Variants in CHID1 observed in about 807,000 individuals in gnomAD.
CHID1 encodes the protein chitinase domain-containing protein 1.
CHID1 carries 44 observed loss-of-function variants against 55.4 expected under a neutral mutation model. The observed-to-expected ratio is 0.79, with a 90% CI of 0.62 to 1.02. The LOEUF (loss-of-function observed/expected upper bound fraction) is 1.02, where lower values mean the gene tolerates loss of function less well. Among genes scored for constraint, CHID1 ranks in the 50% least tolerant of loss-of-function variants. The pLI is 0.00. For synonymous variants in CHID1, 216 were observed against 212.9 expected, an observed-to-expected ratio of 1.01 and a Z score of -0.13; for missense variants, 491 against 515.3, an observed-to-expected ratio of 0.95 and a Z score of 0.46.
intron 10 of CHID1, among the ~76,000 whole-genome samples, chr11:881,426 G>C (rs1337377751): frequency 6.2e-5 from 9 of 145,184 alleles, no homozygotes; most frequent in Admixed American, 6.9e-5. Context: ...TAGGCTGGGT[G>C]GTGAGGGAAA....
intron 8 of CHID1, among the ~76,000 whole-genome samples, chr11:887,521 C>T (rs1468156422): frequency 1.3e-5 from 2 of 152,190 alleles, no homozygotes; most frequent in Non-Finnish European, 2.9e-5. Context: ...CTTCCTCTCA[C>T]GTGCTCCACG....
Position 883,202 on chromosome 11 carries a change from T to A in CHID1, c.905A>T (p.Tyr302Phe). The A allele has an allele frequency of 6.2e-7, 1 of 1,614,090 alleles. No homozygotes were observed. The highest frequency in any genetic ancestry group is 8.5e-7 in the Non-Finnish European group (1 of 1,179,972). The change falls in exon 10 of 13, where the codon TAT (tyrosine) becomes TTT (phenylalanine). Residue 302 changes from tyrosine (Y) to phenylalanine (F), a missense_variant. Transcript: ENST00000323578. Reference protein sequence around the residue: ...RSKILLGLNFYGMDYATSKDA... With the variant: ...RSKILLGLNFFGMDYATSKDA... ...CTTGGAGGTCGCGTAGTCCATACCA[T>A]AGAAGTTGAGCCCCAGGAGGATTTT...
At chr11:909,255 A>C (rs1360799802) in intron 1 of CHID1, among the ~76,000 whole-genome samples, 1 of 152,196 alleles carries the variant, frequency 6.6e-6, no homozygotes, top group African/African-American at 2.4e-5. Flanking sequence ...ACAGACTCCC[A>C]GGTTCACACA....
intron 7 of CHID1, among the ~76,000 whole-genome samples, chr11:897,958 G>C (rs964937481): frequency 1.3e-5 from 2 of 152,200 alleles, no homozygotes; most frequent in African/African-American, 4.8e-5. Context: ...GGCTCTTCTG[G>C]AGCCGGGGCC....
At chr11:887,073 G>A (rs145600174) in intron 8 of CHID1, among the ~76,000 whole-genome samples, 401 of 152,214 alleles carry the variant, frequency 2.6e-3, no homozygotes, top group Non-Finnish European at 4.4e-3. Flanking sequence ...TTGCTCTGTT[G>A]CCCAGGCTGG....
rs1474851668 is a variant in CHID1, at chr11:868,215, T to G, written c.*1643A>C. On this transcript the variant is annotated 3_prime_UTR_variant, in exon 13 of 13. Transcript: ENST00000323578. ...AGGACCCCCGAGAACAACTTGAATG[T>G]TAGCGTCAGCACCTCTGGGGAGACA... 1 of 151,574 alleles carries G rather than the reference T, an allele frequency of 6.6e-6. No homozygotes were observed. The highest frequency in any genetic ancestry group is 2.4e-5 in the African/African-American group (1 of 41,212). 9.4% of individuals were successfully genotyped at this position (151,574 alleles called of 1,614,324 possible). A position where few individuals can be genotyped will look rare whatever the true frequency, so the allele number is the denominator to read the frequency against.
At position 891,052 on chromosome 11, in the gene CHID1, C is replaced by G. The variant is rs574627457; in HGVS notation, c.701+2375G>C. Among the ~76,000 whole-genome samples, 123 of 152,290 alleles carry G rather than the reference C, an allele frequency of 8.1e-4. 1 individual carries two copies. Among genetic ancestry groups the G allele is most frequent in the South Asian group, 2.9e-3 (14 of 4,818 alleles). ...CAAAAGCACCAGGGACAGGGATTTA[C>G]GAGGCTCCTCTGCAGTGGCTGCTCT... On this transcript the variant is annotated intron_variant, in intron 8 of 12. Coordinates refer to ENST00000323578, the MANE Select transcript of CHID1 (RefSeq NM_023947.4).
At chr11:913,141 GC>G (rs571704652), upstream of CHID1, among the ~76,000 whole-genome samples, 10 of 144,988 alleles carry the variant, frequency 6.9e-5, no homozygotes, top group African/African-American at 2.6e-4. Flanking sequence ...CAGGAAAATT[GC>G]CCCCCCCCGC....
At position 885,547 on chromosome 11, in the gene CHID1, A is replaced by AAC. The variant is rs202184105; in HGVS notation, c.702-1380_702-1379dup. Among the ~76,000 whole-genome samples, 1,286 of 151,816 alleles carry AAC rather than the reference A, an allele frequency of 8.5e-3. 9 individuals carry two copies. The highest frequency in any genetic ancestry group is 0.013 in the Non-Finnish European group (911 of 67,908). ...GGTCAGCCTCCCCAGATCCCCGACA[A>AAC]ACACCTCCCAGCACTATGCCCATCA... On this transcript the variant is annotated intron_variant, in intron 8 of 12. Transcript: ENST00000323578.
intron 7 of CHID1, among the ~76,000 whole-genome samples, chr11:894,885 C>A (rs558650805): frequency 5.2e-4 from 79 of 152,328 alleles, no homozygotes; most frequent in African/African-American, 1.9e-3. Context: ...GTGGGACTGT[C>A]ATTTTCCAAG....
intron 10 of CHID1, among the ~76,000 whole-genome samples, chr11:871,372 G>A (rs1457101399): frequency 6.6e-6 from 1 of 152,094 alleles, no homozygotes; most frequent in Non-Finnish European, 1.5e-5. Context: ...GGCCCCTCCT[G>A]AGCACCAAGA....
At chr11:899,704 G>C (rs1021202232) in intron 6 of CHID1, among the ~76,000 whole-genome samples, 2 of 152,262 alleles carry the variant, frequency 1.3e-5, no homozygotes, top group African/African-American at 4.8e-5. Flanking sequence ...CTGGCAGCCA[G>C]CAGGGCTGGG....
At chr11:904,667 A>G in intron 2 of CHID1, 39 bp downstream of exon 2, 1 of 1,612,322 alleles carries the variant, frequency 6.2e-7, no homozygotes, top group Non-Finnish European at 8.5e-7. Flanking sequence ...ATCAGCCCTC[A>G]GCCAGTACAG....
chr11:902,773 C>A (rs1317478295), intron 3 of CHID1, among the ~76,000 whole-genome samples, 189 bp downstream of exon 3: 4 of 152,164 alleles, frequency 2.6e-5, no homozygotes, highest in African/African-American at 9.7e-5. Context: ...CCTGGAGAGA[C>A]CCCCAGGGTC....
rs904631891 is a variant in CHID1 at position 899,479 on chromosome 11, C to G, written c.547-78G>C. On this transcript the variant is annotated intron_variant, in intron 6 of 12. Transcript: ENST00000323578. Reference sequence around the variant, plus strand: ...TGGAAAGACAAGAAGCCCGCCACCTCGGCCCACATGGTCAGGTTGTGGCCT... The same window carrying G: ...TGGAAAGACAAGAAGCCCGCCACCTGGGCCCACATGGTCAGGTTGTGGCCT... The G allele has an allele frequency of 8.1e-6, 11 of 1,353,878 alleles. No homozygotes were observed. The South Asian group carries it at 1.4e-4, about 17-fold the overall frequency. 83.9% of individuals were successfully genotyped at this position (1,353,878 alleles called of 1,614,324 possible). A position where few individuals can be genotyped will look rare whatever the true frequency, so the allele number is the denominator to read the frequency against.
chr11:880,419 C>T (rs35762614), intron 10 of CHID1, among the ~76,000 whole-genome samples: 34,204 of 152,166 alleles, frequency 0.22, 4,517 homozygotes, highest in South Asian at 0.49. Flanking sequence ...CTGTGCTGGA[C>T]CCCAGGACCA....
intron 10 of CHID1, among the ~76,000 whole-genome samples, chr11:878,412 A>T (rs1849662236): frequency 6.6e-6 from 1 of 151,944 alleles, no homozygotes; most frequent in African/African-American, 2.4e-5. Flanking sequence ...CAAAAAAAAC[A>T]AAACAAAACA....
chr11:879,895 C>T (rs961111531), intron 10 of CHID1, among the ~76,000 whole-genome samples: 9 of 152,208 alleles, frequency 5.9e-5, no homozygotes, highest in Non-Finnish European at 1.2e-4. Context: ...CAGAACCAGG[C>T]ACCATGTCAG....
upstream of CHID1, chr11:914,553 A>G: frequency 7.8e-7 from 1 of 1,289,304 alleles, no homozygotes; most frequent in Non-Finnish European, 1.0e-6. Flanking sequence ...CAGCCTGAGG[A>G]TGCCTCTCAC....
Sources: gnomAD v4.1 joint callset for allele counts (sites outside exome capture counted in the v4.1 genomes callset) on GRCh38, gnomAD v4.1.1 for gene constraint, MANE v1.5 for transcripts, NCBI Gene and HGNC (gene_info 2026-07-23, HGNC 2026-07-21) for gene names.